KIF24: variants seen among roughly 807,000 people sequenced by gnomAD.
KIF24 encodes kinesin-like protein KIF24.
In KIF24, 81 loss-of-function variants were observed where a neutral mutation model predicts 118.9. The observed-to-expected ratio is 0.68, with a 90% confidence interval of 0.57 to 0.82. The LOEUF (loss-of-function observed/expected upper bound fraction) is 0.82. Ranked by LOEUF, KIF24 falls within the 40% of genes least tolerant of loss-of-function variation. The pLI, the probability that KIF24 is intolerant of heterozygous loss-of-function variation, is 0.00. For synonymous variants in KIF24, 599 were observed against 610.0 expected, an observed-to-expected ratio of 0.98 and a Z score of 0.27; for missense variants, 1,560 against 1,661.6, an observed-to-expected ratio of 0.94 and a Z score of 1.06.
intron 8 of KIF24, among the ~76,000 whole-genome samples, chr9:34,266,155 A>G (rs546504097): frequency 7.9e-4 from 120 of 152,298 alleles, no homozygotes; most frequent in African/African-American, 2.6e-3. Flanking sequence ...AACCTCCCAA[A>G]GTGCTGGGAT....
intron 8 of KIF24, among the ~76,000 whole-genome samples, chr9:34,265,158 A>AT (rs1257582481): frequency 5.9e-5 from 9 of 151,912 alleles, no homozygotes; most frequent in Non-Finnish European, 8.8e-5. Flanking sequence ...AAACCACATA[A>AT]TTTTTTTTGC....
At chr9:34,275,199 G>A (rs1210502517) in intron 6 of KIF24, among the ~76,000 whole-genome samples, 1 of 152,038 alleles carries the variant, frequency 6.6e-6, no homozygotes, top group Non-Finnish European at 1.5e-5. Flanking sequence ...TTTGAGACCA[G>A]CCTGGCCAAC....
intron 11 of KIF24, among the ~76,000 whole-genome samples, 154 bp downstream of exon 11, chr9:34,255,581 G>A (rs1834794884): frequency 6.6e-6 from 1 of 152,206 alleles, no homozygotes; most frequent in African/African-American, 2.4e-5. Flanking sequence ...TTCCTGTGGA[G>A]GGCCCGGGAC....
Position 34,318,414 on chromosome 9 carries a change from T to C in KIF24, c.-25-7043A>G, listed in dbSNP as rs1587973446. The C allele has an allele frequency of 1.0e-5, 5 of 497,654 alleles. No homozygotes were observed. In the East Asian group the frequency reaches 2.6e-4, roughly 26 times the overall value. 30.8% of individuals were successfully genotyped at this position (497,654 alleles called of 1,614,324 possible). A position where few individuals can be genotyped will look rare whatever the true frequency, so the allele number is the denominator to read the frequency against. On this transcript the variant is annotated intron_variant, in intron 1 of 12. Coordinates refer to ENST00000402558, the MANE Select transcript of KIF24 (RefSeq NM_194313.4). This position sits in a 1 kb window ranked among gnomAD's most constrained non-coding sequence, Gnocchi z 4.9. The stretch of plus-strand genomic sequence containing the variant: ...AACCACCTCCCAGCCACGCGCTCCC[T>C]CCTGCTCCTCAGCGCCTTCTGCCTC...
chr9:34,285,794 T>TA (rs933999040), intron 6 of KIF24, among the ~76,000 whole-genome samples: 10 of 131,640 alleles, frequency 7.6e-5, no homozygotes, highest in Non-Finnish European at 1.5e-4. Context: ...AAAAAAAAAT[T>TA]AAAAAAAAAT....
chr9:34,256,455 G>A lies in KIF24; in HGVS notation c.3152C>T (p.Pro1051Leu), dbSNP rs768169598. 11 of 1,613,858 alleles carry A rather than the reference G, an allele frequency of 6.8e-6. No individual in the cohort carries two copies. In the South Asian group the frequency reaches 1.2e-4, roughly 18 times the overall value. Residue 1051 changes from proline (P) to leucine (L), a missense_variant, in exon 11 of 13, where the codon CCC becomes CTC. This residue lies in a region of KIF24 where 591 missense variants were observed against 655.6 expected (regional missense o/e 0.90). Transcript: ENST00000402558. ...HAEYASGLMSPLTMSLLENPD... is the reference protein window; with the variant it reads ...HAEYASGLMSLLTMSLLENPD... ...GTTCTCCAGGAGGGACATGGTGAGG[G>A]GAGACATGAGTCCAGAAGCATATTC...
At chr9:34,262,668 AAAAAAAAATAT>A (rs1835115228) in intron 9 of KIF24, among the ~76,000 whole-genome samples, 1 of 48,964 alleles carries the variant, frequency 2.0e-5, no homozygotes, top group African/African-American at 7.8e-5. Flanking sequence ...AAAAAAAAAA[AAAAAAAAATAT>A]ATATATATAT....
rs1422767926 is a variant in KIF24, at chr9:34,254,387, G to A, written c.4100C>T (p.Pro1367Leu). ...GPTAAPEGTV[P>L]S Reference sequence around the variant, plus strand: ...TCGGCACAGGGTCTGGCTCTAAGACGGCACTGTTCCCTCAGGGGCTGCGGT... The same window carrying A: ...TCGGCACAGGGTCTGGCTCTAAGACAGCACTGTTCCCTCAGGGGCTGCGGT... Residue 1367 changes from proline to leucine, a missense_variant, in exon 13 of 13, where the codon CCG becomes CTG. Coordinates refer to ENST00000402558, the MANE Select transcript of KIF24 (RefSeq NM_194313.4). 1.9e-6 allele frequency: 3 copies of A among 1,612,816 alleles called. No homozygotes were observed. The highest frequency in any genetic ancestry group is 2.5e-6 in the Non-Finnish European group (3 of 1,179,744).
upstream of KIF24, among the ~76,000 whole-genome samples, chr9:34,331,754 C>G (rs950695705): frequency 6.6e-6 from 1 of 152,184 alleles, no homozygotes; most frequent in Admixed American, 6.5e-5. Flanking sequence ...GATCACTGAA[C>G]TTTAGACCCA....
intron 6 of KIF24, among the ~76,000 whole-genome samples, chr9:34,281,629 G>C (rs1012086032): frequency 6.6e-6 from 1 of 152,216 alleles, no homozygotes; most frequent in African/African-American, 2.4e-5. Context: ...CAGTGAAAAG[G>C]AAGGCAGGAA....
At chr9:34,294,039 A>G (rs544262505) in intron 4 of KIF24, among the ~76,000 whole-genome samples, 1 of 152,248 alleles carries the variant, frequency 6.6e-6, no homozygotes, top group South Asian at 2.1e-4. Context: ...ATCACAGATT[A>G]TTGCAGCCTT....
chr9:34,330,313 G>A (rs933624649), upstream of KIF24, among the ~76,000 whole-genome samples: 5 of 152,204 alleles, frequency 3.3e-5, no homozygotes, highest in Non-Finnish European at 7.3e-5. Context: ...GCTGAGGCAG[G>A]AGAATGGCAT....
At chr9:34,300,719 T>A (rs1360067418) in intron 3 of KIF24, among the ~76,000 whole-genome samples, 8 of 152,044 alleles carry the variant, frequency 5.3e-5, no homozygotes, top group Admixed American at 6.6e-5. Flanking sequence ...ACACAGTTTC[T>A]AGGCAAGGAG....
chr9:34,291,197 T>A (rs1239884864), intron 4 of KIF24, among the ~76,000 whole-genome samples: 1 of 152,062 alleles, frequency 6.6e-6, no homozygotes, highest in African/African-American at 2.4e-5. Context: ...GTAAGCAAAG[T>A]ATTTGAGGAA....
rs557204034 is a variant in KIF24 at position 34,322,057 on chromosome 9, A to T, written c.-26+7049T>A. On this transcript the variant is annotated intron_variant, in intron 1 of 12. Coordinates refer to ENST00000402558, the MANE Select transcript of KIF24 (RefSeq NM_194313.4). Reference sequence around the variant, plus strand: ...GCAGTCTGGCTTGCAAAGTGTTTAAATTTTTTTTTAATTTGTTGTACTGTT... The same window carrying T: ...GCAGTCTGGCTTGCAAAGTGTTTAATTTTTTTTTTAATTTGTTGTACTGTT... 2.0e-4 allele frequency among the ~76,000 whole-genome samples: 30 copies of T among 151,844 alleles called. 1 individual carries two copies. The East Asian group carries it at 4.4e-3, about 22-fold the overall frequency.
rs577263118 is a variant in KIF24, at chr9:34,302,935, C to A, written c.813+3317G>T. ...GGACTACAGGTGACTGCCAACACGT[C>A]TGGCTAATTTTTTGTATTTTTAGTG... On this transcript the variant is annotated intron_variant, in intron 3 of 12. Coordinates refer to ENST00000402558, the MANE Select transcript of KIF24 (RefSeq NM_194313.4). Among the ~76,000 whole-genome samples the A allele has an allele frequency of 3.3e-5, 5 of 152,124 alleles. No individual in the cohort carries two copies. In the East Asian group the frequency reaches 9.7e-4, roughly 29 times the overall value.
At chr9:34,271,466 T>C (rs1324666769) in intron 7 of KIF24, among the ~76,000 whole-genome samples, 1 of 152,218 alleles carries the variant, frequency 6.6e-6, no homozygotes, top group Non-Finnish European at 1.5e-5. Context: ...TTATGGCTTC[T>C]TTCAAGAAGA....
chr9:34,292,546 G>A (rs1465746108), intron 4 of KIF24, among the ~76,000 whole-genome samples: 1 of 152,174 alleles, frequency 6.6e-6, no homozygotes, highest in African/African-American at 2.4e-5. Context: ...TTATAGCATG[G>A]ACAGGGATGG....
In KIF24 at chr9:34,256,025, G is replaced by C; in HGVS notation, c.3582C>G (p.Thr1194=). ...CAGAATGGGGTACCCCCATATGTAT[G>C]GTGGTGAAGGGCTTTCCTGGGAAAC... ...SWGFPGKPFT[T]IHMGVPHSGP... The change falls in exon 11 of 13, where the codon ACC becomes ACG. Residue 1194 remains threonine, a synonymous_variant. Coordinates refer to ENST00000402558, the MANE Select transcript of KIF24 (RefSeq NM_194313.4). The C allele has an allele frequency of 6.2e-7, 1 of 1,613,920 alleles. No individual in the cohort carries two copies. Among genetic ancestry groups the C allele is most frequent in the South Asian group, 1.1e-5 (1 of 91,078 alleles).
Sources: allele counts gnomAD v4.1 joint callset (sites outside exome capture counted in the v4.1 genomes callset), GRCh38; gene constraint gnomAD v4.1.1; regional missense constraint gnomAD v4.1.1; non-coding constraint Gnocchi (gnomAD v3.1); transcripts MANE v1.5; gene names NCBI Gene and HGNC (gene_info 2026-07-23, HGNC 2026-07-21).